Variants in ZZEF1 observed in about 807,000 individuals in gnomAD.
ZZEF1 encodes zinc finger ZZ-type and EF-hand domain containing 1, also known as zinc finger ZZ-type and EF-hand domain-containing protein 1.
ZZEF1 carries 157 observed loss-of-function variants against 342.8 expected under a neutral mutation model. That is an observed-to-expected ratio of 0.46 (90% CI 0.40 to 0.52). The LOEUF is 0.52. ZZEF1 is among the 20% of genes least tolerant of loss of function. The pLI, the probability that ZZEF1 is intolerant of heterozygous loss-of-function variation, is 0.00. For synonymous variants in ZZEF1, 1,505 were observed against 1,429.1 expected, an observed-to-expected ratio of 1.05 and a Z score of -1.20; for missense variants, 3,480 against 3,725.6, an observed-to-expected ratio of 0.93 and a Z score of 1.72.
intron 10 of ZZEF1, 50 bp downstream of exon 10, chr17:4,096,559 T>G: frequency 1.3e-6 from 2 of 1,538,392 alleles, no homozygotes; most frequent in South Asian, 2.3e-5. Context: ...CCCATAAAAA[T>G]TGAAAACAAA....
At chr17:4,007,612 G>A (rs557341889) in intron 54 of ZZEF1, among the ~76,000 whole-genome samples, 14 of 152,256 alleles carry the variant, frequency 9.2e-5, no homozygotes, top group African/African-American at 2.2e-4. Context: ...GGGCCAGGAC[G>A]GGCAAATATC....
rs147615812 is a variant in ZZEF1, at chr17:4,095,966, C to T, written c.1778G>A (p.Gly593Asp). Residue 593 changes from glycine (G) to aspartate (D), a missense_variant, in exon 11 of 55, where the codon GGC becomes GAC. Gly to Asp is a moderately conservative substitution (Grantham distance 94). Around this residue, in one of 5 missense-constraint regions of ZZEF1, gnomAD observed 1,528 missense variants for 1,624.1 expected, o/e 0.94. Transcript: ENST00000381638. ...CACCAACCCACACTGGGCACCAATGCCACCACGTCGAACCTGGAAACAGAG... is the reference window on the plus strand; with the variant it reads ...CACCAACCCACACTGGGCACCAATGTCACCACGTCGAACCTGGAAACAGAG... ...TQIRIMVRRG[G>D]IGAQCGLVFA... is the part of the protein sequence containing the mutation. The T allele has an allele frequency of 9.3e-6, 15 of 1,609,802 alleles. No homozygotes were observed. Among genetic ancestry groups the T allele is most frequent in the Non-Finnish European group, 1.3e-5 (15 of 1,177,502 alleles).
chr17:4,063,196 G>C (rs2057320839), intron 29 of ZZEF1, among the ~76,000 whole-genome samples: 1 of 152,160 alleles, frequency 6.6e-6, no homozygotes. Context: ...ACTTTCCATA[G>C]AGACAAAGCC....
chr17:4,059,342 T>TTAA (rs771380291), intron 30 of ZZEF1, 52 bp from the exon 31 acceptor site: 1 of 1,569,336 alleles, frequency 6.4e-7, no homozygotes, highest in Non-Finnish European at 8.6e-7. Context: ...CATCTTTTTC[T>TTAA]TAATAATAAT....
intron 14 of ZZEF1, 32 bp downstream of exon 14, chr17:4,087,402 T>C (rs757724124): frequency 1.2e-5 from 19 of 1,541,986 alleles, no homozygotes; most frequent in African/African-American, 2.8e-5. Flanking sequence ...TCAGTTTATG[T>C]GCTTATCACC....
intron 7 of ZZEF1, among the ~76,000 whole-genome samples, chr17:4,105,271 C>T (rs758842307): frequency 1.2e-4 from 19 of 152,190 alleles, no homozygotes; most frequent in Non-Finnish European, 2.6e-4. Context: ...TCAGGGCTCA[C>T]TGAGGCAGAA....
chr17:4,065,120 T>C (rs1001169873), intron 28 of ZZEF1, among the ~76,000 whole-genome samples: 1 of 152,174 alleles, frequency 6.6e-6, no homozygotes, highest in Non-Finnish European at 1.5e-5. Flanking sequence ...TAAAGTGATA[T>C]AGGCCTAGTG....
At chr17:4,132,548 A>G (rs920766026) in intron 1 of ZZEF1, among the ~76,000 whole-genome samples, 53 of 151,972 alleles carry the variant, frequency 3.5e-4, no homozygotes, top group Admixed American at 1.3e-4. Context: ...AATACAAAAA[A>G]TTAGCCGGGC....
chr17:4,047,989 A>C (rs189838776), intron 37 of ZZEF1, among the ~76,000 whole-genome samples: 225 of 152,290 alleles, frequency 1.5e-3, no homozygotes, highest in Non-Finnish European at 2.1e-3. Flanking sequence ...ATTAAAAAAA[A>C]CCCATAAAAA....
intron 46 of ZZEF1, 124 bp downstream of exon 46, chr17:4,019,545 C>T (rs2056209479): frequency 1.2e-6 from 1 of 816,806 alleles, no homozygotes; most frequent in Admixed American, 2.7e-5. Flanking sequence ...AAAGGACTAG[C>T]AACTGCTTCC....
chr17:4,008,573 AAATATGTGAAATCTAACTCC>A lies in ZZEF1; in HGVS notation c.8805+290_8805+309del. ...TACCAGAGAAGCAACTCACATCTAA[AAATATGTGAAATCTAACTCC>A]ACGGAAACTTCAAGAATCAGCCAAA... On this transcript the variant is annotated intron_variant, in intron 54 of 54. Transcript: ENST00000381638. This position sits in a 1 kb window ranked among gnomAD's most constrained non-coding sequence, Gnocchi z 4.2. 9.0e-7 allele frequency: 1 copy of A among 1,116,568 alleles called. No homozygotes were observed. The highest frequency in any genetic ancestry group is 1.1e-6 in the Non-Finnish European group (1 of 912,510). The allele number at this position is 1,116,568 out of a possible 1,614,324, so 69.2% of individuals were successfully genotyped here.
intron 9 of ZZEF1, among the ~76,000 whole-genome samples, chr17:4,098,434 ATAAAT>A (rs1205911775): frequency 1.3e-5 from 2 of 152,284 alleles, no homozygotes; most frequent in Admixed American, 1.3e-4. Context: ...GAATGAATAA[ATAAAT>A]TAAAGTAAAT....
chr17:4,072,843 A>T, intron 24 of ZZEF1, 87 bp from the exon 25 acceptor site: 1 of 1,351,346 alleles, frequency 7.4e-7, no homozygotes, highest in East Asian at 2.4e-5. Flanking sequence ...GGTTAAAAAA[A>T]ACCATGGATA....
chr17:4,015,669 C>G (rs1437401054), intron 49 of ZZEF1, among the ~76,000 whole-genome samples: 1 of 152,170 alleles, frequency 6.6e-6, no homozygotes, highest in Non-Finnish European at 1.5e-5. Context: ...GAGGCTGAGG[C>G]ATGAGAATCA....
At chr17:4,081,590 CA>C in intron 17 of ZZEF1, 100 bp from the exon 18 acceptor site, 1 of 989,896 alleles carries the variant, frequency 1.0e-6, no homozygotes, top group Non-Finnish European at 1.5e-6. Flanking sequence ...GTTTCAGTGT[CA>C]TTTCCATGGG....
chr17:4,090,835 A>G lies in ZZEF1; in HGVS notation c.1914-5T>C, dbSNP rs778126406. The G allele has an allele frequency of 1.2e-6, 2 of 1,608,322 alleles. No homozygotes were observed. The highest frequency in any genetic ancestry group is 1.7e-5 in the Admixed American group (1 of 60,020). ...TCATCAGATGAGCAACCAATCCTGT[A>G]AAGACAAGAGTATTCACAAAACATT... On this transcript the variant is annotated splice_region_variant and splice_polypyrimidine_tract_variant and intron_variant, in intron 11 of 54. Coordinates refer to ENST00000381638, the MANE Select transcript of ZZEF1 (RefSeq NM_015113.4).
At chr17:4,115,604 G>A (rs562836425) in intron 3 of ZZEF1, among the ~76,000 whole-genome samples, 2 of 152,074 alleles carry the variant, frequency 1.3e-5, no homozygotes, top group African/African-American at 2.4e-5. Context: ...TGAAGGTTTC[G>A]GTGAGCCGGG....
intron 25 of ZZEF1, among the ~76,000 whole-genome samples, chr17:4,071,728 G>A (rs1403464365): frequency 6.6e-6 from 1 of 152,152 alleles, no homozygotes; most frequent in African/African-American, 2.4e-5. Flanking sequence ...AGAAGTGACC[G>A]GTCTTTGGTT....
intron 1 of ZZEF1, among the ~76,000 whole-genome samples, chr17:4,129,578 C>T (rs536245061): frequency 2.0e-5 from 3 of 152,212 alleles, no homozygotes; most frequent in Admixed American, 2.0e-4. Flanking sequence ...GTGGCTGACA[C>T]CTGTAATCCC....
Sources: allele counts gnomAD v4.1 joint callset (sites outside exome capture counted in the v4.1 genomes callset), GRCh38; gene constraint gnomAD v4.1.1; regional missense constraint gnomAD v4.1.1; non-coding constraint Gnocchi (gnomAD v3.1); transcripts MANE v1.5; gene names NCBI Gene and HGNC (gene_info 2026-07-23, HGNC 2026-07-21).